The following LY75 variants were observed in gnomAD, a reference collection of about 807,000 sequenced individuals.
LY75 encodes lymphocyte antigen 75, also known as C-type lectin domain family 13 member B.
A neutral mutation model predicts 231.7 loss-of-function variants in LY75; 185 were observed. The ratio of observed to expected loss-of-function variants is 0.80; its 90% confidence interval spans 0.71 to 0.90. The LOEUF is 0.90. LY75 is among the 40% of genes least tolerant of loss of function. The pLI is 0.00. For missense variants in LY75, 1,947 were observed against 2,050.2 expected, an observed-to-expected ratio of 0.95 and a Z score of 0.97; for synonymous variants, 668 against 689.0, an observed-to-expected ratio of 0.97 and a Z score of 0.48.
rs1438507772 is a variant in LY75, at chr2:159,874,552, TTTTGTAAATCTATATAAATATGTAC to T, written c.1974+867_1974+891del. On this transcript the variant is annotated intron_variant, in intron 12 of 34. Coordinates refer to ENST00000263636, the MANE Select transcript of LY75 (RefSeq NM_002349.4). ...GTAAATCTATATAAATATGTACATATTTTGTAAATCTATATAAATATGTACATATTTTGTAAATATATATAAATAT... is the reference window on the plus strand; with the variant it reads ...GTAAATCTATATAAATATGTACATATATATTTTGTAAATATATATAAATAT... 1.0e-3 allele frequency among the ~76,000 whole-genome samples: 76 copies of T among 72,426 alleles called. 11 individuals carry two copies. Among genetic ancestry groups the T allele is most frequent in the South Asian group, 6.3e-3 (8 of 1,270 alleles). The allele number at this position is 72,426 out of a possible 152,430, so 47.5% of individuals were successfully genotyped here. A position where few individuals can be genotyped will look rare whatever the true frequency, so the allele number is the denominator to read the frequency against.
chr2:159,882,340 T>C, intron 6 of LY75, 25 bp from the exon 7 acceptor site: 1 of 1,607,284 alleles, frequency 6.2e-7, no homozygotes, highest in Non-Finnish European at 8.5e-7. Flanking sequence ...GCTATTTATA[T>C]TCCAGTAAAG....
rs1684597210 is a variant in LY75 at position 159,858,068 on chromosome 2, C to CT, written c.2383+293dup. Among the ~76,000 whole-genome samples the CT allele has an allele frequency of 2.0e-5, 3 of 152,120 alleles. 1 individual carries two copies. In the South Asian group the frequency reaches 6.2e-4, roughly 32 times the overall value. Reference sequence around the variant, plus strand: ...AAACGAAAATGATTCTGCATTTCTCCTTTTGCTTAAAATAATATTTCATCC... The same window carrying CT: ...AAACGAAAATGATTCTGCATTTCTCCTTTTTGCTTAAAATAATATTTCATCC... On this transcript the variant is annotated intron_variant, in intron 16 of 34. Coordinates refer to ENST00000263636, the MANE Select transcript of LY75 (RefSeq NM_002349.4).
chr2:159,822,656 C>T (rs114113507), intron 28 of LY75, among the ~76,000 whole-genome samples: 23,573 of 152,114 alleles, frequency 0.15, 2,151 homozygotes, highest in East Asian at 0.32. Context: ...GGTCTCTGAC[C>T]CCCAGGTATT....
chr2:159,807,092 C>A lies in LY75; in HGVS notation c.4871G>T (p.Trp1624Leu), dbSNP rs1361034885. Residue 1624 changes from tryptophan to leucine, a missense_variant, in exon 34 of 35, where the codon TGG (tryptophan) becomes TTG (leucine). Physicochemically the swap from Trp to Leu is moderately conservative, Grantham distance 61 (BLOSUM62 -2). Transcript: ENST00000263636. ...AACACCACTCTTACTTTTATTTTCC[C>A]ATTTGACAAATGTCACTTCTGATCC... ...LDGSEVTFVK[W>L]ENKSKSGVGR... The A allele has an allele frequency of 1.9e-6, 3 of 1,613,732 alleles. No homozygotes were observed. The African/African-American group carries it at 4.0e-5, about 22-fold the overall frequency.
At chr2:159,872,941 A>G (rs1685060533) in intron 12 of LY75, among the ~76,000 whole-genome samples, 1 of 152,200 alleles carries the variant, frequency 6.6e-6, no homozygotes. Flanking sequence ...ATGCTTTGGG[A>G]GTAGCCTTTG....
chr2:159,878,720 C>G lies in LY75; in HGVS notation c.1517G>C (p.Gly506Ala), dbSNP rs1273687648. ...SSDKMCPPDE[G>A]WKRHGETCYK... ...ACAGGTTTCTCCATGTCTCTTCCAG[C>G]CCTAAGTCAGAGGAAAAATATTGTC... Residue 506 changes from glycine (G) to alanine (A), a missense_variant and splice_region_variant, in exon 10 of 35, where the codon GGC (glycine) becomes GCC (alanine). Physicochemically the swap from Gly to Ala is moderately conservative, Grantham distance 60. Coordinates refer to ENST00000263636, the MANE Select transcript of LY75 (RefSeq NM_002349.4). 2 of 1,613,682 alleles carry G rather than the reference C, an allele frequency of 1.2e-6. No homozygotes were observed. Among genetic ancestry groups the G allele is most frequent in the East Asian group, 2.2e-5 (1 of 44,870 alleles).
rs764872748 is a variant in LY75, at chr2:159,882,147, A to G, written c.1223T>C (p.Val408Ala). ...SIHSLADVEV[V>A]VTKLHNEDIK... Reference sequence around the variant, plus strand: ...ACCCTCATTATGGAGTTTTGTGACAACCACCTCCACATCTGCTAGAGAATG... The same window carrying G: ...ACCCTCATTATGGAGTTTTGTGACAGCCACCTCCACATCTGCTAGAGAATG... Residue 408 changes from valine (V) to alanine (A), a missense_variant, in exon 7 of 35, where the codon GTT becomes GCT. Coordinates refer to ENST00000263636, the MANE Select transcript of LY75 (RefSeq NM_002349.4). 8 of 1,612,924 alleles carry G rather than the reference A, an allele frequency of 5.0e-6. No homozygotes were observed. In the African/African-American group the frequency reaches 8.0e-5, roughly 16 times the overall value.
At position 159,890,271 on chromosome 2, in the gene LY75, C is replaced by A; in HGVS notation, c.744G>T (p.Gln248His). The change falls in exon 4 of 35, where the codon CAG (glutamine) becomes CAT (histidine). Residue 248 changes from glutamine (Q) to histidine (H), a missense_variant. Physicochemically the swap from Gln to His is conservative, Grantham distance 24. Coordinates refer to ENST00000263636, the MANE Select transcript of LY75 (RefSeq NM_002349.4). ...TGCTCAGTAAATCAGCTCCTTGATTCTGACATGAAACATAAGCTTCTTTCC... is the reference window on the plus strand; with the variant it reads ...TGCTCAGTAAATCAGCTCCTTGATTATGACATGAAACATAAGCTTCTTTCC... ...LSWKEAYVSC[Q>H]NQGADLLSIN... is the part of the protein sequence containing the mutation. 1 of 1,613,520 alleles carries A rather than the reference C, an allele frequency of 6.2e-7. No individual in the cohort carries two copies. The highest frequency in any genetic ancestry group is 2.2e-5 in the East Asian group (1 of 44,864).
At position 159,852,768 on chromosome 2, in the gene LY75, A is replaced by G. The variant is rs186299221; in HGVS notation, c.2744-428T>C. 2.5e-3 allele frequency among the ~76,000 whole-genome samples: 374 copies of G among 152,306 alleles called. 2 individuals carry two copies. Among genetic ancestry groups the G allele is most frequent in the African/African-American group, 8.6e-3 (358 of 41,558 alleles). Reference sequence around the variant, plus strand: ...CCAGTAGTAAAGAAAGGCTCTTGAAATCAATCTTTCCTAAATGCTTAAAAT... The same window carrying G: ...CCAGTAGTAAAGAAAGGCTCTTGAAGTCAATCTTTCCTAAATGCTTAAAAT... On this transcript the variant is annotated intron_variant, in intron 20 of 34. Coordinates refer to ENST00000263636, the MANE Select transcript of LY75 (RefSeq NM_002349.4).
intron 16 of LY75, among the ~76,000 whole-genome samples, chr2:159,857,462 C>A (rs1379917159): frequency 6.6e-6 from 1 of 152,170 alleles, no homozygotes; most frequent in Non-Finnish European, 1.5e-5. Flanking sequence ...TAATTTGAGG[C>A]TGGGTGCAGT....
chr2:159,828,440 A>C (rs888293015), intron 28 of LY75, among the ~76,000 whole-genome samples: 1 of 152,174 alleles, frequency 6.6e-6, no homozygotes, highest in Non-Finnish European at 1.5e-5. Context: ...AAATGAAATA[A>C]AAATCCCAGT....
At chr2:159,845,939 C>A (rs1684189172) in intron 23 of LY75, among the ~76,000 whole-genome samples, 1 of 151,506 alleles carries the variant, frequency 6.6e-6, no homozygotes, top group Admixed American at 6.6e-5. Flanking sequence ...AAAGAGGCAT[C>A]CTATATTGCT....
At chr2:159,807,789 T>C (rs149005231) in intron 33 of LY75, 1 of 943,816 alleles carries the variant, frequency 1.1e-6, no homozygotes, top group African/African-American at 1.8e-5. Context: ...CCTTATCTTC[T>C]GTCATATTTG....
rs577846980 is a variant in LY75, at chr2:159,853,298, G to A, written c.2718C>T (p.Tyr906=). 1,000 of 1,613,366 alleles carry A rather than the reference G, an allele frequency of 6.2e-4. 15 individuals are homozygous for A. In the South Asian group the frequency reaches 0.01, roughly 17 times the overall value. ...CGATAAGCCAAGTCTTGGCAGACATGTACAAGCATTCCTCTCCAAATGTCA... is the reference window on the plus strand; with the variant it reads ...CGATAAGCCAAGTCTTGGCAGACATATACAAGCATTCCTCTCCAAATGTCA... ...FPVTFGEECL[Y]MSAKTWLIDL... The change falls in exon 20 of 35, where the codon TAC becomes TAT. Residue 906 remains tyrosine, a synonymous_variant. Transcript: ENST00000263636.
Position 159,844,339 on chromosome 2 carries a change from A to C in LY75, c.3151-1965T>G, listed in dbSNP as rs554474981. Among the ~76,000 whole-genome samples the C allele has an allele frequency of 3.7e-3, 557 of 151,948 alleles. 3 individuals are homozygous for C. Among genetic ancestry groups the C allele is most frequent in the Middle Eastern group, 0.02 (6 of 294 alleles). ...GCCTAATGGTAAAAAAAAAAAAAAA[A>C]AAAACTATATGGCAATCTTAACAGA... On this transcript the variant is annotated intron_variant, in intron 23 of 34. Transcript: ENST00000263636.
chr2:159,903,189 C>T (rs1686131066), intron 1 of LY75: 1 of 152,132 alleles, frequency 6.6e-6, no homozygotes, highest in Non-Finnish European at 1.5e-5. Context: ...AAACCTGGTG[C>T]TTTTTGCTTT....
chr2:159,900,527 G>A (rs1166498303), intron 1 of LY75, among the ~76,000 whole-genome samples: 2 of 152,208 alleles, frequency 1.3e-5, no homozygotes, highest in Non-Finnish European at 2.9e-5. Context: ...CAGCTTCACA[G>A]TCACTGGTTT....
Position 159,893,940 on chromosome 2 carries a change from C to G in LY75, c.611G>C (p.Arg204Pro), listed in dbSNP as rs564450166. ...AGGCTTTAAGCAGATGCCCCACTTT[C>G]GGTCATATTCATAATTTAAGGTGGT... ...CATTLNYEYD[R>P]KWGICLKPEN... is the part of the protein sequence containing the mutation. Residue 204 changes from arginine (R) to proline (P), a missense_variant, in exon 3 of 35, where the codon CGA becomes CCA. By Grantham distance (103) the Arg-to-Pro change is moderately radical. Coordinates refer to ENST00000263636, the MANE Select transcript of LY75 (RefSeq NM_002349.4). 1.2e-6 allele frequency: 2 copies of G among 1,612,464 alleles called. No homozygotes were observed. The highest frequency in any genetic ancestry group is 4.5e-5 in the East Asian group (2 of 44,860).
chr2:159,884,817 G>C (rs1213825214), intron 6 of LY75, among the ~76,000 whole-genome samples: 1 of 152,184 alleles, frequency 6.6e-6, no homozygotes, highest in African/African-American at 2.4e-5. Flanking sequence ...AGGTGATGCT[G>C]ATGCTGTTGG....
Sources: gnomAD v4.1 joint callset for allele counts (sites outside exome capture counted in the v4.1 genomes callset) on GRCh38, gnomAD v4.1.1 for gene constraint, MANE v1.5 for transcripts, NCBI Gene and HGNC (gene_info 2026-07-23, HGNC 2026-07-21) for gene names.